NRG1: variants seen among roughly 807,000 people sequenced by gnomAD.
The protein encoded by NRG1 is neuregulin 1.
Under a neutral mutation model 63.8 loss-of-function variants are expected in NRG1, and 18 were observed. The ratio of observed to expected loss-of-function variants is 0.28; its 90% CI spans 0.19 to 0.42. NRG1 has a LOEUF of 0.42. Ranked by LOEUF, NRG1 falls within the 10% of genes least tolerant of loss-of-function variation. The pLI, the probability that NRG1 is intolerant of heterozygous loss-of-function variation, is 1.00. For missense variants in NRG1, 762 were observed against 814.7 expected (o/e 0.94, Z 0.79); for synonymous variants, 302 against 301.3 (o/e 1.00, Z -0.02).
intron 1 of NRG1, among the ~76,000 whole-genome samples, chr8:31,658,105 T>C (rs955723801): frequency 1.1e-4 from 17 of 152,212 alleles, no homozygotes; most frequent in Admixed American, 2.0e-4. Context: ...TATTCTACAA[T>C]GAACATGCCA....
At chr8:32,061,395 A>C (rs1287849339) in intron 1 of NRG1, among the ~76,000 whole-genome samples, 1 of 151,974 alleles carries the variant, frequency 6.6e-6, no homozygotes, top group African/African-American at 2.4e-5. Flanking sequence ...ACTGTTTCTC[A>C]ATGTATCATT....
At chr8:31,712,777 T>C (rs1054998487) in intron 1 of NRG1, among the ~76,000 whole-genome samples, 15 of 152,270 alleles carry the variant, frequency 9.9e-5, no homozygotes, top group African/African-American at 3.6e-4. Context: ...AATTGGGTCT[T>C]CATGCCTTAG....
intron 1 of NRG1, among the ~76,000 whole-genome samples, chr8:31,649,130 T>C (rs1014511688): frequency 6.6e-6 from 1 of 152,124 alleles, no homozygotes; most frequent in Admixed American, 6.5e-5. Context: ...AAGTTTTGTA[T>C]TTTTAGTAAA....
rs143193291 is a variant in NRG1, at chr8:32,614,071, A to G, written c.401-443A>G. On this transcript the variant is annotated intron_variant, in intron 3 of 11. Coordinates refer to ENST00000356819, the Ensembl canonical transcript of NRG1. ...ATGCCAGAACTTGATGTTTTTCACC[A>G]ATCCTAATTAGAAACATGGCTTACT... 6.9e-3 allele frequency among the ~76,000 whole-genome samples: 1,056 copies of G among 152,198 alleles called. 13 individuals carry two copies. The highest frequency in any genetic ancestry group is 0.024 in the African/African-American group (986 of 41,562).
intron 1 of NRG1, among the ~76,000 whole-genome samples, chr8:31,892,440 C>T (rs983921525): frequency 3.9e-5 from 6 of 151,966 alleles, no homozygotes; most frequent in South Asian, 4.1e-4. Context: ...TCACAATCTC[C>T]GCAGATAAAT....
chr8:32,321,734 C>T (rs1310993524), intron 1 of NRG1, among the ~76,000 whole-genome samples: 1 of 151,858 alleles, frequency 6.6e-6, no homozygotes, highest in Non-Finnish European at 1.5e-5. Context: ...CAAATAAATC[C>T]ATATTAAAGT....
In NRG1 at chr8:32,367,001, C is replaced by T. The variant is rs183481382; in HGVS notation, c.38-228827C>T. Among the ~76,000 whole-genome samples the T allele has an allele frequency of 1.6e-4, 25 of 151,986 alleles. No homozygotes were observed. The East Asian group carries it at 3.7e-3, about 22-fold the overall frequency. On this transcript the variant is annotated intron_variant, in intron 1 of 10. Coordinates refer to the NRG1 transcript ENST00000519301. The stretch of plus-strand genomic sequence containing the variant: ...TGCTGGGATTACAGGTGTGAGCCAC[C>T]GCATCTGGCCTCACATTTTCTTTAT...
At chr8:32,656,545 G>A (rs1002174733) in intron 5 of NRG1, among the ~76,000 whole-genome samples, 2 of 152,108 alleles carry the variant, frequency 1.3e-5, no homozygotes, top group African/African-American at 4.8e-5. Flanking sequence ...GTTTGTAAGA[G>A]CTTGCCATTT....
chr8:31,767,989 G>T (rs1818246385), intron 1 of NRG1, among the ~76,000 whole-genome samples: 1 of 151,706 alleles, frequency 6.6e-6, no homozygotes, highest in African/African-American at 2.4e-5. Context: ...ATTGACACAA[G>T]AACAAGAACT....
chr8:31,739,071 C>A (rs114207775), intron 1 of NRG1, among the ~76,000 whole-genome samples: 2,133 of 152,128 alleles, frequency 0.014, 54 homozygotes, highest in African/African-American at 0.048. Context: ...TAAGTGCACA[C>A]GTAAGATGCA....
chr8:31,652,088 G>A (rs1305675978), intron 1 of NRG1, among the ~76,000 whole-genome samples: 1 of 152,052 alleles, frequency 6.6e-6, no homozygotes, highest in East Asian at 1.9e-4. Context: ...GACTTCCTTG[G>A]TCGACACTTA....
At chr8:32,398,020 G>T (rs759663051) in intron 1 of NRG1, among the ~76,000 whole-genome samples, 3 of 152,088 alleles carry the variant, frequency 2.0e-5, no homozygotes, top group Middle Eastern at 3.2e-3. Flanking sequence ...GAAGTATTTG[G>T]TTTTTTATGC....
intron 1 of NRG1, among the ~76,000 whole-genome samples, chr8:31,974,599 G>A (rs1563637119): frequency 6.6e-6 from 1 of 152,090 alleles, no homozygotes; most frequent in Non-Finnish European, 1.5e-5. Flanking sequence ...TCTATGCCAG[G>A]CACTACTATG....
chr8:32,064,374 T>C (rs919692038), intron 1 of NRG1, among the ~76,000 whole-genome samples: 1 of 152,104 alleles, frequency 6.6e-6, no homozygotes, highest in African/African-American at 2.4e-5. Context: ...CAGGTTTCAT[T>C]TGGCTGTCAA....
At chr8:32,103,495 G>C (rs1395166255) in intron 1 of NRG1, among the ~76,000 whole-genome samples, 1 of 152,208 alleles carries the variant, frequency 6.6e-6, no homozygotes, top group Non-Finnish European at 1.5e-5. Context: ...CAACAAACAT[G>C]GATGTGCAGG....
intron 1 of NRG1, among the ~76,000 whole-genome samples, chr8:32,196,846 T>A (rs1454976755): frequency 1.3e-5 from 2 of 151,930 alleles, no homozygotes; most frequent in Non-Finnish European, 2.9e-5. Context: ...TATTTCATCT[T>A]TTTTTATATG....
At chr8:31,719,763 G>A (rs1812715620) in intron 1 of NRG1, among the ~76,000 whole-genome samples, 3 of 152,270 alleles carry the variant, frequency 2.0e-5, no homozygotes, top group Admixed American at 1.3e-4. Flanking sequence ...CATGACATGT[G>A]TCAAGATAAG....
At chr8:32,599,684 A>C (rs1449878649) in intron 2 of NRG1, among the ~76,000 whole-genome samples, 1 of 152,214 alleles carries the variant, frequency 6.6e-6, no homozygotes, top group Non-Finnish European at 1.5e-5. Flanking sequence ...ATTTTGATCA[A>C]GAAAACTGGT....
intron 1 of NRG1, among the ~76,000 whole-genome samples, chr8:32,359,256 T>C (rs762409307): frequency 6.6e-6 from 1 of 152,214 alleles, no homozygotes; most frequent in African/African-American, 2.4e-5. Flanking sequence ...TAATCACCTA[T>C]CTTTGATTCA....
Sources: gnomAD v4.1 joint callset for allele counts (sites outside exome capture counted in the v4.1 genomes callset) on GRCh38, gnomAD v4.1.1 for gene constraint, MANE v1.5 for transcripts, NCBI Gene and HGNC (gene_info 2026-07-23, HGNC 2026-07-21) for gene names.